Variants in USP34 observed in about 807,000 individuals in gnomAD.
USP34 encodes ubiquitin specific peptidase 34, also known as ubiquitin carboxyl-terminal hydrolase 34.
USP34 carries 70 observed loss-of-function variants against 460.3 expected under a neutral mutation model. The observed-to-expected ratio is 0.15, with a 90% CI of 0.13 to 0.19. The LOEUF (loss-of-function observed/expected upper bound fraction) is 0.19, where lower values mean the gene tolerates loss of function less well. USP34 is among the 10% of genes least tolerant of loss of function. The pLI is 1.00. For synonymous variants in USP34, 1,647 were observed against 1,405.3 expected, an observed-to-expected ratio of 1.17 and a Z score of -3.85; for missense variants, 3,985 against 4,236.2, an observed-to-expected ratio of 0.94 and a Z score of 1.65.
At chr2:61,201,384 AT>A (rs34750472) in intron 75 of USP34, among the ~76,000 whole-genome samples, 1 of 151,688 alleles carries the variant, frequency 6.6e-6, no homozygotes, top group Admixed American at 6.6e-5. Flanking sequence ...TGCCTAGCTA[AT>A]TTTTTTATTT....
At chr2:61,297,023 A>G (rs1304858568) in intron 29 of USP34, 98 bp from the exon 30 acceptor site, 1 of 1,453,320 alleles carries the variant, frequency 6.9e-7, no homozygotes, top group Non-Finnish European at 9.2e-7. Flanking sequence ...ATTTGCTAAT[A>G]GTTTTTAGCC....
At chr2:61,191,351 A>G (rs1023278537) in intron 76 of USP34, 3 of 152,096 alleles carry the variant, frequency 2.0e-5, no homozygotes, top group South Asian at 4.1e-4. Context: ...ATTTATATGG[A>G]AAAAAGCAAT....
intron 30 of USP34, among the ~76,000 whole-genome samples, chr2:61,296,007 C>G (rs1416372215): frequency 1.3e-5 from 2 of 152,042 alleles, no homozygotes; most frequent in Non-Finnish European, 2.9e-5. Flanking sequence ...GCCTATAATC[C>G]CAGCATTTTG....
intron 1 of USP34, among the ~76,000 whole-genome samples, chr2:61,448,952 C>G (rs1006415065): frequency 6.6e-6 from 1 of 152,084 alleles, no homozygotes; most frequent in African/African-American, 2.4e-5. Context: ...GTTGGGAGTT[C>G]GAGACCAGCC....
chr2:61,400,873 C>T (rs994340477), intron 3 of USP34, among the ~76,000 whole-genome samples: 1 of 152,006 alleles, frequency 6.6e-6, no homozygotes, highest in Non-Finnish European at 1.5e-5. Flanking sequence ...AAAATAAGTC[C>T]AGGTGCGGTA....
chr2:61,212,636 A>G (rs1404381624), intron 68 of USP34, among the ~76,000 whole-genome samples: 1 of 152,224 alleles, frequency 6.6e-6, no homozygotes, highest in Non-Finnish European at 1.5e-5. Context: ...CTCTTCTAAC[A>G]CATACTTGTC....
chr2:61,374,326 CTCCATAT>C (rs1692726573), intron 8 of USP34, among the ~76,000 whole-genome samples: 1 of 152,154 alleles, frequency 6.6e-6, no homozygotes, highest in Non-Finnish European at 1.5e-5. Flanking sequence ...GCACCTCCAT[CTCCATAT>C]TCCATATTTG....
intron 70 of USP34, 42 bp from the exon 71 acceptor site, chr2:61,206,928 T>G (rs760260549): frequency 3.0e-5 from 48 of 1,598,054 alleles, no homozygotes; most frequent in Non-Finnish European, 3.9e-5. Flanking sequence ...ATTTCATTTT[T>G]GCTTACTGAG....
intron 1 of USP34, among the ~76,000 whole-genome samples, chr2:61,427,919 T>A (rs1347511684): frequency 6.6e-6 from 1 of 151,942 alleles, no homozygotes; most frequent in African/African-American, 2.4e-5. Context: ...TCCCAGCACT[T>A]TGGATGGCTG....
At chr2:61,252,510 T>C (rs919532041) in intron 48 of USP34, among the ~76,000 whole-genome samples, 1 of 152,174 alleles carries the variant, frequency 6.6e-6, no homozygotes, top group African/African-American at 2.4e-5. Flanking sequence ...AACTCTGATT[T>C]ACAAAAAAAT....
chr2:61,417,029 T>A, intron 2 of USP34: 1 of 1,304,036 alleles, frequency 7.7e-7, no homozygotes, highest in Non-Finnish European at 1.1e-6. Context: ...TTCTTCCAGA[T>A]GTGGATCTTC....
chr2:61,429,551 CA>C (rs1459076869), intron 1 of USP34, among the ~76,000 whole-genome samples: 4 of 152,066 alleles, frequency 2.6e-5, no homozygotes, highest in Non-Finnish European at 5.9e-5. Context: ...TGCTTAAGCA[CA>C]GGCAGTCGAG....
At chr2:61,261,910 C>G (rs1468083387) in intron 43 of USP34, among the ~76,000 whole-genome samples, 1 of 151,428 alleles carries the variant, frequency 6.6e-6, no homozygotes, top group South Asian at 2.1e-4. Flanking sequence ...TGAGACCAGC[C>G]TGGCCAAGAT....
Position 61,188,570 on chromosome 2 carries a change from T to C in USP34, c.10173A>G (p.Arg3391=), listed in dbSNP as rs1192971692. ...TTCCTGGATCAATAATTGAGGAGTC[T>C]CTGGTCTCATTGTCAGAAGTGCTCG... is the stretch of plus-strand genomic sequence containing the variant. ...TPTSTSDNET[R]DSSIIDPGTE... is the part of the protein sequence containing the mutation. Residue 3391 remains arginine, a synonymous_variant, in exon 80 of 80, where the codon AGA becomes AGG. Transcript: ENST00000398571. The C allele has an allele frequency of 6.2e-7, 1 of 1,614,212 alleles. No individual in the cohort carries two copies. Among genetic ancestry groups the C allele is most frequent in the Non-Finnish European group, 8.5e-7 (1 of 1,180,044 alleles).
In USP34 at chr2:61,307,818, G is replaced by C. The variant is rs186683020; in HGVS notation, c.3817+3722C>G. Among the ~76,000 whole-genome samples, 936 of 152,164 alleles carry C rather than the reference G, an allele frequency of 6.2e-3. 6 individuals carry two copies. The highest frequency in any genetic ancestry group is 9.0e-3 in the Non-Finnish European group (614 of 68,000). The stretch of plus-strand genomic sequence containing the variant: ...ATCCAAGGACTTTGGACGGCCAAGG[G>C]GGGAGGATAGCTTGAGACCAGGAGT... On this transcript the variant is annotated intron_variant, in intron 27 of 79. Transcript: ENST00000398571.
intron 1 of USP34, among the ~76,000 whole-genome samples, chr2:61,460,704 G>A (rs1670625628): frequency 6.6e-6 from 1 of 152,084 alleles, no homozygotes. Context: ...CAGGTAGAAG[G>A]CCGGGTGTGG....
chr2:61,396,399 T>C (rs1187951257), intron 3 of USP34, among the ~76,000 whole-genome samples: 13 of 152,104 alleles, frequency 8.5e-5, no homozygotes, highest in Admixed American at 8.5e-4. Flanking sequence ...TACTGGAAAA[T>C]ATACGCATAA....
chr2:61,392,743 A>C (rs144662382), intron 5 of USP34, among the ~76,000 whole-genome samples: 10 of 152,330 alleles, frequency 6.6e-5, no homozygotes, highest in Admixed American at 2.6e-4. Flanking sequence ...AGTACAAATA[A>C]ATTCAAGAAA....
chr2:61,207,122 A>C (rs1316714790), intron 70 of USP34: 2 of 345,390 alleles, frequency 5.8e-6, no homozygotes, highest in Non-Finnish European at 1.0e-5. Flanking sequence ...CTGAAGAAAT[A>C]GTTTAATCAC....
Sources: allele counts gnomAD v4.1 joint callset (sites outside exome capture counted in the v4.1 genomes callset), GRCh38; gene constraint gnomAD v4.1.1; transcripts MANE v1.5; gene names NCBI Gene and HGNC (gene_info 2026-07-23, HGNC 2026-07-21).